The following PCDHA4 variants were observed in gnomAD, a reference collection of about 807,000 sequenced individuals.
PCDHA4 encodes the protein protocadherin alpha 4, also known as protocadherin alpha-4.
PCDHA4 carries 49 observed loss-of-function variants against 61.4 expected under a neutral mutation model. The observed-to-expected ratio is 0.80, with a 90% confidence interval of 0.63 to 1.01. PCDHA4 has a LOEUF of 1.01. Among genes scored for constraint, PCDHA4 ranks in the 50% least tolerant of loss-of-function variants. The pLI is 0.00. For synonymous variants in PCDHA4, 590 were observed against 550.3 expected (o/e 1.07, Z -1.01); for missense variants, 1,254 against 1,235.8 (o/e 1.01, Z -0.22).
chr5:140,967,858 G>C lies in PCDHA4; in HGVS notation c.2386-11091G>C, dbSNP rs2096190865. ...TGGACGTGAATGACAATGCCCCAGA[G>C]GTGGTGCTCACGGACCTGTATAGCC... On this transcript the variant is annotated intron_variant, in intron 1 of 3. Coordinates refer to ENST00000530339, the MANE Select transcript of PCDHA4 (RefSeq NM_018907.4). 6 of 1,614,166 alleles carry C rather than the reference G, an allele frequency of 3.7e-6. No homozygotes were observed. The East Asian group carries it at 1.3e-4, about 36-fold the overall frequency.
chr5:140,809,784 A>G (rs999775431), intron 1 of PCDHA4: 3 of 494,866 alleles, frequency 6.1e-6, no homozygotes, highest in East Asian at 3.4e-5. Context: ...ATGCATATTA[A>G]CAGAACTGTA....
chr5:140,982,666 T>G (rs2096995489), intron 3 of PCDHA4, 103 bp downstream of exon 3: 4 of 1,467,448 alleles, frequency 2.7e-6, no homozygotes. Context: ...TTCTTTTATA[T>G]TTTTGTTATT....
At chr5:140,843,089 G>T in intron 1 of PCDHA4, 2 of 1,595,612 alleles carry the variant, frequency 1.3e-6, no homozygotes, top group Non-Finnish European at 1.7e-6. Flanking sequence ...CGCGGGCCAC[G>T]TGGTAGCGAA....
At chr5:140,995,546 C>T (rs2097688546) in intron 3 of PCDHA4, among the ~76,000 whole-genome samples, 1 of 152,184 alleles carries the variant, frequency 6.6e-6, no homozygotes, top group African/African-American at 2.4e-5. Context: ...AAGGGGCGAT[C>T]ACTGTACTGA....
chr5:140,966,924 C>T (rs1554228895), intron 1 of PCDHA4: 2 of 1,602,624 alleles, frequency 1.2e-6, no homozygotes, highest in Admixed American at 1.7e-5. Context: ...GAGGAGCAGG[C>T]ACCCGGCGCG....
chr5:140,853,006 G>A (rs1263540311), intron 1 of PCDHA4: 2 of 293,534 alleles, frequency 6.8e-6, no homozygotes, highest in Non-Finnish European at 1.1e-5. Flanking sequence ...AGCCTCCCGA[G>A]TAGCTGGGAC....
At chr5:140,921,287 A>C (rs1563045357) in intron 1 of PCDHA4, among the ~76,000 whole-genome samples, 1 of 152,210 alleles carries the variant, frequency 6.6e-6, no homozygotes. Flanking sequence ...AAAAAACCTC[A>C]AATTTGCTGA....
At chr5:140,830,197 C>G (rs2150182627) in intron 1 of PCDHA4, 2 of 1,613,722 alleles carry the variant, frequency 1.2e-6, no homozygotes, top group African/African-American at 2.7e-5. Context: ...ACCTGATCAT[C>G]GCCATCTGCG....
intron 1 of PCDHA4, among the ~76,000 whole-genome samples, chr5:140,970,254 T>C (rs1315934666): frequency 1.3e-5 from 2 of 152,238 alleles, no homozygotes; most frequent in African/African-American, 4.8e-5. Context: ...TGACAGTTTC[T>C]ATGGTTTTGA....
chr5:140,828,802 T>C (rs2150159196), intron 1 of PCDHA4: 42 of 1,614,232 alleles, frequency 2.6e-5, no homozygotes, highest in Non-Finnish European at 3.5e-5. Context: ...ATGTGAATGA[T>C]AATGCTCCCA....
intron 1 of PCDHA4, chr5:140,870,393 T>C (rs1554164195): frequency 1.5e-5 from 24 of 1,613,936 alleles, no homozygotes; most frequent in Non-Finnish European, 1.8e-5. Flanking sequence ...GGGATGGGGG[T>C]TCGCCTTCTC....
At chr5:140,882,172 T>C (rs1582596670) in intron 1 of PCDHA4, 2 of 1,514,998 alleles carry the variant, frequency 1.3e-6, no homozygotes, top group South Asian at 2.7e-5. Context: ...TGCGAATCCT[T>C]CCGCACTAGG....
At chr5:140,834,374 A>G (rs1309560066) in intron 1 of PCDHA4, 2 of 1,560,000 alleles carry the variant, frequency 1.3e-6, no homozygotes, top group Non-Finnish European at 1.7e-6. Flanking sequence ...AAACAAGCCA[A>G]TAATTTGAAA....
At chr5:140,880,231 A>G (rs2058275588) in intron 1 of PCDHA4, among the ~76,000 whole-genome samples, 1 of 152,266 alleles carries the variant, frequency 6.6e-6, no homozygotes, top group South Asian at 2.1e-4. Context: ...CATTTAAATT[A>G]GTGTATGTGC....
At chr5:140,967,944 A>G (rs782135204) in intron 1 of PCDHA4, 4 of 1,613,970 alleles carry the variant, frequency 2.5e-6, no homozygotes. Flanking sequence ...AATGACCAAG[A>G]CTCAGGCCCC....
At chr5:141,005,192 TTTCA>T (rs1554259924) in intron 3 of PCDHA4, among the ~76,000 whole-genome samples, 1 of 152,220 alleles carries the variant, frequency 6.6e-6, no homozygotes, top group African/African-American at 2.4e-5. Context: ...ACATCAGTCC[TTTCA>T]TTCATTCATC....
intron 3 of PCDHA4, among the ~76,000 whole-genome samples, chr5:140,998,363 A>G (rs568271579): frequency 6.6e-6 from 1 of 152,316 alleles, no homozygotes; most frequent in Admixed American, 6.5e-5. Flanking sequence ...TAACCACTGC[A>G]CACACCGTCT....
intron 3 of PCDHA4, among the ~76,000 whole-genome samples, chr5:140,994,668 G>A (rs2097644296): frequency 6.6e-6 from 1 of 152,118 alleles, no homozygotes; most frequent in Admixed American, 6.5e-5. Context: ...TCACACTACT[G>A]CACTCCAGCC....
chr5:140,851,063 G>T, intron 1 of PCDHA4: 3 of 1,372,672 alleles, frequency 2.2e-6, no homozygotes, highest in Non-Finnish European at 2.9e-6. Flanking sequence ...TTGACTTCTA[G>T]TGAGAATTAT....
Sources: allele counts gnomAD v4.1 joint callset (sites outside exome capture counted in the v4.1 genomes callset), GRCh38; gene constraint gnomAD v4.1.1; transcripts MANE v1.5; gene names NCBI Gene and HGNC (gene_info 2026-07-23, HGNC 2026-07-21).